EPOR: variants seen among roughly 807,000 people sequenced by gnomAD.
EPOR encodes erythropoietin receptor.
A neutral mutation model predicts 34.3 loss-of-function variants in EPOR; 20 were observed. That is an observed-to-expected ratio of 0.58 (90% CI 0.41 to 0.85). The LOEUF (loss-of-function observed/expected upper bound fraction) is 0.85, where lower values mean the gene tolerates loss of function less well. Ranked by LOEUF, EPOR falls within the 40% of genes least tolerant of loss-of-function variation. The probability of loss-of-function intolerance (pLI) is 0.00; values close to 1 mark genes in which losing one functional copy is unlikely to be tolerated. For synonymous variants in EPOR, 312 were observed against 299.0 expected (o/e 1.04, Z -0.45); for missense variants, 601 against 672.7 (o/e 0.89, Z 1.18).
In EPOR at chr19:11,378,035, G is replaced by C. The variant is rs1326773357; in HGVS notation, c.1476C>G (p.Ser492Arg). The C allele has an allele frequency of 6.2e-7, 1 of 1,614,134 alleles. No individual in the cohort carries two copies. The highest frequency in any genetic ancestry group is 8.5e-7 in the Non-Finnish European group (1 of 1,180,012). Residue 492 changes from serine (S) to arginine (R), a missense_variant, in exon 8 of 8, where the codon AGC (serine) becomes AGG (arginine). Transcript: ENST00000222139. The surrounding 1 kb of genome is among the most constrained non-coding windows in gnomAD (Gnocchi z 5.3). The part of the protein sequence containing the change: ...DGPYSNPYEN[S>R]LIPAAEPLPP... ...GCAGAGGCTCAGCGGCTGGGATAAG[G>C]CTGTTCTCATAAGGGTTGGAGTAGG...
At chr19:11,379,118 G>T (rs529457521) in intron 6 of EPOR, among the ~76,000 whole-genome samples, 9 of 151,992 alleles carry the variant, frequency 5.9e-5, no homozygotes, top group African/African-American at 2.2e-4. Flanking sequence ...TTGAACCCAG[G>T]AGTTCAAGAC....
At position 11,381,881 on chromosome 19, in the gene EPOR, G is replaced by A. The variant is rs2144698481; in HGVS notation, c.428-32C>T. ...GCATGGGGGTTGGTCAGGTGGGCGAGGACTGAGACCCTCTCCTCCGACCAC... is the reference window on the plus strand; with the variant it reads ...GCATGGGGGTTGGTCAGGTGGGCGAAGACTGAGACCCTCTCCTCCGACCAC... On this transcript the variant is annotated intron_variant, in intron 3 of 7. Coordinates refer to ENST00000222139, the MANE Select transcript of EPOR (RefSeq NM_000121.4). The surrounding 1 kb of genome is among the most constrained non-coding windows in gnomAD (Gnocchi z 5.3). 2 of 1,614,230 alleles carry A rather than the reference G, an allele frequency of 1.2e-6. No homozygotes were observed. The highest frequency in any genetic ancestry group is 2.2e-5 in the East Asian group (1 of 44,892).
chr19:11,383,279 C>T lies in EPOR; in HGVS notation c.116-47G>A, dbSNP rs1180305861. 1 of 1,522,110 alleles carries T rather than the reference C, an allele frequency of 6.6e-7. No individual in the cohort carries two copies. The highest frequency in any genetic ancestry group is 8.8e-7 in the Non-Finnish European group (1 of 1,137,828). 94.3% of individuals were successfully genotyped at this position (1,522,110 alleles called of 1,614,324 possible). ...AGGGCATGGGGGTCTGAGCTCTATC[C>T]TCGGGAGACAGCCCCCTCCTCTTCC... On this transcript the variant is annotated intron_variant, in intron 1 of 7. Coordinates refer to ENST00000222139, the MANE Select transcript of EPOR (RefSeq NM_000121.4). The surrounding 1 kb of genome is among the most constrained non-coding windows in gnomAD (Gnocchi z 4.9).
chr19:11,383,603 C>T lies in EPOR; in HGVS notation c.116-371G>A, dbSNP rs1039444208. ...CCCCCTATCGGCCCCGGCAGGCTCC[C>T]CGCCAACCGATAGCGCCAACCGTGC... is the stretch of plus-strand genomic sequence containing the variant. On this transcript the variant is annotated intron_variant, in intron 1 of 7. Transcript: ENST00000222139. The surrounding 1 kb of genome is among the most constrained non-coding windows in gnomAD (Gnocchi z 4.9). 1 of 245,418 alleles carries T rather than the reference C, an allele frequency of 4.1e-6. No homozygotes were observed. The highest frequency in any genetic ancestry group is 5.2e-5 in the Admixed American group (1 of 19,206). 15.2% of individuals were successfully genotyped at this position (245,418 alleles called of 1,614,324 possible). A position where few individuals can be genotyped will look rare whatever the true frequency, so the allele number is the denominator to read the frequency against.
Position 11,378,439 on chromosome 19 carries a change from G to T in EPOR, c.1072C>A (p.Pro358Thr). Reference sequence around the variant, plus strand: ...TCCTGGGCATGCTCACTGCCCACTGGCTCCAGCAGGGGGCCCTCATCATCT... The same window carrying T: ...TCCTGGGCATGCTCACTGCCCACTGTCTCCAGCAGGGGGCCCTCATCATCT... ...GTDDEGPLLE[P>T]VGSEHAQDTY... The change falls in exon 8 of 8, where the codon CCA becomes ACA. Residue 358 changes from proline (P) to threonine (T), a missense_variant. Pro to Thr is a conservative substitution (Grantham distance 38). Transcript: ENST00000222139. The surrounding 1 kb of genome is among the most constrained non-coding windows in gnomAD (Gnocchi z 5.3). 1 of 1,614,078 alleles carries T rather than the reference G, an allele frequency of 6.2e-7. No individual in the cohort carries two copies. The highest frequency in any genetic ancestry group is 8.5e-7 in the Non-Finnish European group (1 of 1,179,994).
At position 11,383,099 on chromosome 19, in the gene EPOR, G is replaced by C. The variant is rs151226066; in HGVS notation, c.249C>G (p.Leu83=). Residue 83 remains leucine, a splice_region_variant and synonymous_variant, in exon 2 of 8, where the codon CTC becomes CTG. Transcript: ENST00000222139. This position sits in a 1 kb window ranked among gnomAD's most constrained non-coding sequence, Gnocchi z 4.9. ...GGCACCCGCCGGATCGGACTCACTC[G>C]AGCTGGTAGGAGAAGCTGTAGTTGC... ...GPGNYSFSYQ[L]EDEPWKLCRL... 1 of 1,613,370 alleles carries C rather than the reference G, an allele frequency of 6.2e-7. No homozygotes were observed. The highest frequency in any genetic ancestry group is 8.5e-7 in the Non-Finnish European group (1 of 1,179,832).
Position 11,381,854 on chromosome 19 carries a change from A to G in EPOR, c.428-5T>C, listed in dbSNP as rs749770621. The G allele has an allele frequency of 6.2e-6, 10 of 1,614,122 alleles. No homozygotes were observed. The highest frequency in any genetic ancestry group is 8.5e-6 in the Non-Finnish European group (10 of 1,179,974). On this transcript the variant is annotated splice_region_variant and splice_polypyrimidine_tract_variant and intron_variant, in intron 3 of 7. Coordinates refer to ENST00000222139, the MANE Select transcript of EPOR (RefSeq NM_000121.4). This position sits in a 1 kb window ranked among gnomAD's most constrained non-coding sequence, Gnocchi z 5.3. ...CCACGGGGGCGTCTAGGAGCACTGC[A>G]GGCATGGGGGTTGGTCAGGTGGGCG...
rs61729445 is a variant in EPOR at position 11,381,156 on chromosome 19, C to T, written c.639G>A (p.Arg213=). ...CGCGGACGGCGAAGGTGTAGCGCGTCCGGCCCCGCAGGTTGCTCAGCACAC... is the reference window on the plus strand; with the variant it reads ...CGCGGACGGCGAAGGTGTAGCGCGTTCGGCCCCGCAGGTTGCTCAGCACAC... ...TECVLSNLRG[R]TRYTFAVRAR... The change falls in exon 5 of 8, where the codon CGG becomes CGA. Residue 213 remains arginine, a synonymous_variant. Coordinates refer to ENST00000222139, the MANE Select transcript of EPOR (RefSeq NM_000121.4). This position sits in a 1 kb window ranked among gnomAD's most constrained non-coding sequence, Gnocchi z 5.3. 5.1e-6 allele frequency: 8 copies of T among 1,556,280 alleles called. No homozygotes were observed. The highest frequency in any genetic ancestry group is 7.0e-6 in the Non-Finnish European group (8 of 1,150,394).
At position 11,381,444 on chromosome 19, in the gene EPOR, GGGACCC is replaced by G; in HGVS notation, c.586-241_586-236del. 1 of 667,062 alleles carries G rather than the reference GGGACCC, an allele frequency of 1.5e-6. No homozygotes were observed. The highest frequency in any genetic ancestry group is 2.5e-6 in the Non-Finnish European group (1 of 395,112). The allele number at this position is 667,062 out of a possible 1,614,324, so 41.3% of individuals were successfully genotyped here. A position where few individuals can be genotyped will look rare whatever the true frequency, so the allele number is the denominator to read the frequency against. On this transcript the variant is annotated intron_variant, in intron 4 of 7. Transcript: ENST00000222139. This position sits in a 1 kb window ranked among gnomAD's most constrained non-coding sequence, Gnocchi z 5.3. ...TAATATCTGGGCTAGCACTCGTAGA[GGGACCC>G]GGGCGCTAAAGGGGTCTAGGGTTAC...
chr19:11,383,371 T>A lies in EPOR; in HGVS notation c.116-139A>T. On this transcript the variant is annotated intron_variant, in intron 1 of 7. Coordinates refer to ENST00000222139, the MANE Select transcript of EPOR (RefSeq NM_000121.4). The surrounding 1 kb of genome is among the most constrained non-coding windows in gnomAD (Gnocchi z 4.9). ...CCTGCCATCTTCCCAAGCGGGTCCCTTGGAGGGGTCCGCAGAGGTGGTGCC... is the reference window on the plus strand; with the variant it reads ...CCTGCCATCTTCCCAAGCGGGTCCCATGGAGGGGTCCGCAGAGGTGGTGCC... 1 of 859,184 alleles carries A rather than the reference T, an allele frequency of 1.2e-6. No homozygotes were observed. The highest frequency in any genetic ancestry group is 1.7e-6 in the Non-Finnish European group (1 of 576,212). 53.2% of individuals were successfully genotyped at this position (859,184 alleles called of 1,614,324 possible).
rs1457976119 is a variant in EPOR, at chr19:11,383,398, C to T, written c.116-166G>A. 1.5e-6 allele frequency: 1 copy of T among 655,186 alleles called. No individual in the cohort carries two copies. The highest frequency in any genetic ancestry group is 2.5e-6 in the Non-Finnish European group (1 of 398,400). 40.6% of individuals were successfully genotyped at this position (655,186 alleles called of 1,614,324 possible). A position where few individuals can be genotyped will look rare whatever the true frequency, so the allele number is the denominator to read the frequency against. The stretch of plus-strand genomic sequence containing the variant: ...GGAGGGGTCCGCAGAGGTGGTGCCC[C>T]CCTAATTCCCAGGGGCAAGTTTCTC... On this transcript the variant is annotated intron_variant, in intron 1 of 7. Transcript: ENST00000222139. This position sits in a 1 kb window ranked among gnomAD's most constrained non-coding sequence, Gnocchi z 4.9.
chr19:11,382,807 C>A, intron 2 of EPOR: 1 of 1,394,780 alleles, frequency 7.2e-7, no homozygotes, highest in Non-Finnish European at 9.4e-7. Context: ...TGGATACTAC[C>A]TCGAGAAGGC....
chr19:11,378,853 C>A lies in EPOR; in HGVS notation c.828-75G>T. On this transcript the variant is annotated intron_variant, in intron 6 of 7. Coordinates refer to ENST00000222139, the MANE Select transcript of EPOR (RefSeq NM_000121.4). The surrounding 1 kb of genome is among the most constrained non-coding windows in gnomAD (Gnocchi z 5.3). Reference sequence around the variant, plus strand: ...CACCAATTCCCCCTCCACTCCCAGTCATAGAGGCACAGATACACTTGGTCC... The same window carrying A: ...CACCAATTCCCCCTCCACTCCCAGTAATAGAGGCACAGATACACTTGGTCC... 7.2e-7 allele frequency: 1 copy of A among 1,394,722 alleles called. No homozygotes were observed. The highest frequency in any genetic ancestry group is 1.2e-5 in the South Asian group (1 of 85,148). The allele number at this position is 1,394,722 out of a possible 1,614,324, so 86.4% of individuals were successfully genotyped here. A position where few individuals can be genotyped will look rare whatever the true frequency, so the allele number is the denominator to read the frequency against.
In EPOR at chr19:11,381,245, A is replaced by G. The variant is rs1968353233; in HGVS notation, c.586-36T>C. The G allele has an allele frequency of 6.5e-7, 1 of 1,547,956 alleles. No individual in the cohort carries two copies. The highest frequency in any genetic ancestry group is 8.7e-7 in the Non-Finnish European group (1 of 1,146,356). The stretch of plus-strand genomic sequence containing the variant: ...AATCAGGGCGAGGGACGCGTAGCAG[A>G]CAAAAATAGATGACGTGGGGGCGGG... On this transcript the variant is annotated intron_variant, in intron 4 of 7. Coordinates refer to ENST00000222139, the MANE Select transcript of EPOR (RefSeq NM_000121.4). This position sits in a 1 kb window ranked among gnomAD's most constrained non-coding sequence, Gnocchi z 5.3.
In EPOR at chr19:11,383,022, G is replaced by C. The variant is rs1395292203; in HGVS notation, c.251+75C>G. ...GGGCCTCAAACAGCAGGGGACATAC[G>C]AGGCTACGACCTCCAGGGAGCTCTG... On this transcript the variant is annotated intron_variant, in intron 2 of 7. Coordinates refer to ENST00000222139, the MANE Select transcript of EPOR (RefSeq NM_000121.4). The surrounding 1 kb of genome is among the most constrained non-coding windows in gnomAD (Gnocchi z 4.9). 6.2e-7 allele frequency: 1 copy of C among 1,608,020 alleles called. No homozygotes were observed. Among genetic ancestry groups the C allele is most frequent in the Non-Finnish European group, 8.5e-7 (1 of 1,179,412 alleles).
rs2144698102 is a variant in EPOR, at chr19:11,381,720, G to A, written c.557C>T (p.Ala186Val). 2 of 1,611,024 alleles carry A rather than the reference G, an allele frequency of 1.2e-6. No individual in the cohort carries two copies. Among genetic ancestry groups the A allele is most frequent in the Non-Finnish European group, 1.7e-6 (2 of 1,178,938 alleles). The change falls in exon 4 of 8, where the codon GCC (alanine) becomes GTC (valine). Residue 186 changes from alanine to valine, a missense_variant. By Grantham distance (64) the Ala-to-Val change is moderately conservative. Transcript: ENST00000222139. The surrounding 1 kb of genome is among the most constrained non-coding windows in gnomAD (Gnocchi z 5.3). ...CTGTACGCTCCCTGCGCCGTTGCCG[G>A]CCGAGACGTCCACCTCGTAGCGGAT... ...SHIRYEVDVS[A>V]GNGAGSVQRV...
At chr19:11,380,996 G>C (rs1337697066) in intron 5 of EPOR, 25 bp from the exon 6 acceptor site, 22 of 1,555,330 alleles carry the variant, frequency 1.4e-5, no homozygotes, top group Non-Finnish European at 1.7e-5. Flanking sequence ...GGAGGTCAGG[G>C]CGGTGGGCTT....
Position 11,378,092 on chromosome 19 carries a change from G to A in EPOR, c.1419C>T (p.Ser473=), listed in dbSNP as rs558887457. Residue 473 remains serine (S), a synonymous_variant, in exon 8 of 8, where the codon TCC becomes TCT. Transcript: ENST00000222139. The surrounding 1 kb of genome is among the most constrained non-coding windows in gnomAD (Gnocchi z 5.3). ...CGGATAAGCCCCCTTGGGCTCCCTGGGAGTCCCCTGAGCTGTAGTCAGTTG... is the reference window on the plus strand; with the variant it reads ...CGGATAAGCCCCCTTGGGCTCCCTGAGAGTCCCCTGAGCTGTAGTCAGTTG... ...GISTDYSSGD[S]QGAQGGLSDG... 6.2e-7 allele frequency: 1 copy of A among 1,614,070 alleles called. No individual in the cohort carries two copies. The highest frequency in any genetic ancestry group is 1.1e-5 in the South Asian group (1 of 91,084).
intron 6 of EPOR, among the ~76,000 whole-genome samples, chr19:11,379,699 C>T (rs1968330642): frequency 6.6e-6 from 1 of 151,496 alleles, no homozygotes; most frequent in African/African-American, 2.4e-5. Flanking sequence ...AGCCATGTGG[C>T]AATTTTTTTT....
Sources: allele counts gnomAD v4.1 joint callset (sites outside exome capture counted in the v4.1 genomes callset), GRCh38; gene constraint gnomAD v4.1.1; non-coding constraint Gnocchi (gnomAD v3.1); transcripts MANE v1.5; gene names NCBI Gene and HGNC (gene_info 2026-07-23, HGNC 2026-07-21).